DHRSX: variants seen among roughly 807,000 people sequenced by gnomAD.
DHRSX encodes polyprenol dehydrogenase.
In DHRSX, 31 loss-of-function variants were observed where a neutral mutation model predicts 34.0. The ratio of observed to expected loss-of-function variants is 0.91; its 90% CI spans 0.69 to 1.23. The LOEUF (loss-of-function observed/expected upper bound fraction) is 1.23. Among genes scored for constraint, DHRSX ranks in the 50% most tolerant of loss-of-function variants. The pLI, the probability that DHRSX is intolerant of heterozygous loss-of-function variation, is 0.00. For missense variants in DHRSX, 414 were observed against 428.1 expected, an observed-to-expected ratio of 0.97 and a Z score of 0.29; for synonymous variants, 201 against 183.8, an observed-to-expected ratio of 1.09 and a Z score of -0.76.
At chrX:2,465,384 A>T (rs2044477066) in intron 1 of DHRSX, among the ~76,000 whole-genome samples, 1 of 152,152 alleles carries the variant, frequency 6.6e-6, no homozygotes, top group Non-Finnish European at 1.5e-5. Flanking sequence ...AAGTCTCCCC[A>T]TCCCTCCTCA....
chrX:2,401,803 T>G (rs2043489135), intron 3 of DHRSX, among the ~76,000 whole-genome samples: 1 of 152,182 alleles, frequency 6.6e-6, no homozygotes, highest in South Asian at 2.1e-4. Context: ...CACAAAGGTG[T>G]GGGCACAATG....
At chrX:2,273,846 G>A (rs1292763886) in intron 4 of DHRSX, among the ~76,000 whole-genome samples, 1 of 152,192 alleles carries the variant, frequency 6.6e-6, no homozygotes, top group African/African-American at 2.4e-5. Context: ...AGAGGGGACA[G>A]TGCTTCTGTG....
chrX:2,297,947 G>A (rs1342387198), intron 3 of DHRSX, among the ~76,000 whole-genome samples: 5 of 151,994 alleles, frequency 3.3e-5, no homozygotes, highest in Non-Finnish European at 1.5e-5. Context: ...GTAAAGATGG[G>A]GTTTCACCAT....
At chrX:2,282,897 A>G (rs1280987629) in intron 4 of DHRSX, among the ~76,000 whole-genome samples, 3 of 146,514 alleles carry the variant, frequency 2.0e-5, no homozygotes, top group Admixed American at 6.8e-5. Context: ...GAGGAGGGAG[A>G]AGGGAGGTCG....
intron 1 of DHRSX, among the ~76,000 whole-genome samples, chrX:2,428,728 C>A (rs1569500208): frequency 6.6e-6 from 1 of 152,082 alleles, no homozygotes; most frequent in Non-Finnish European, 1.5e-5. Flanking sequence ...ATGTAACAAA[C>A]CTGCACGTTC....
At chrX:2,314,233 GGGAGGGAAGGAAGGGAGGGAA>G (rs2042201207) in intron 3 of DHRSX, among the ~76,000 whole-genome samples, 1 of 17,752 alleles carries the variant, frequency 5.6e-5, no homozygotes, top group African/African-American at 2.9e-4. Context: ...AAGGAAGGGA[GGGAGGGAAGGAAGGGAGGGAA>G]GGAGGGAATG....
At chrX:2,399,738 AAAAAC>A (rs1327575254) in intron 3 of DHRSX, among the ~76,000 whole-genome samples, 18 of 144,646 alleles carry the variant, frequency 1.2e-4, no homozygotes, top group Middle Eastern at 3.5e-3. Context: ...AAAAAAAAAA[AAAAAC>A]AAAAAAACAC....
intron 3 of DHRSX, among the ~76,000 whole-genome samples, chrX:2,352,049 G>A (rs2042795178): frequency 1.3e-5 from 2 of 152,010 alleles, no homozygotes; most frequent in Non-Finnish European, 1.5e-5. Flanking sequence ...ATAAACAGCT[G>A]TGCATTTTTG....
intron 2 of DHRSX, among the ~76,000 whole-genome samples, chrX:2,415,632 T>C (rs1569498710): frequency 2.0e-5 from 3 of 151,710 alleles, no homozygotes; most frequent in South Asian, 4.2e-4. Flanking sequence ...CTAACCCAAC[T>C]AGACCTCATC....
chrX:2,265,680 T>C (rs750081647), intron 5 of DHRSX, among the ~76,000 whole-genome samples: 1 of 81,634 alleles, frequency 1.2e-5, no homozygotes. Context: ...GCACCAGTGC[T>C]CGGCAGACGC....
chrX:2,343,638 C>CTCTG (rs1249369998), intron 3 of DHRSX, among the ~76,000 whole-genome samples: 2 of 152,218 alleles, frequency 1.3e-5, no homozygotes, highest in African/African-American at 4.8e-5. Context: ...CCGCAAAAGG[C>CTCTG]TCTGCCCCAC....
intron 1 of DHRSX, among the ~76,000 whole-genome samples, chrX:2,464,290 G>A (rs183894343): frequency 6.6e-6 from 1 of 151,646 alleles, no homozygotes; most frequent in African/African-American, 2.4e-5. Context: ...CCTAAGCTTG[G>A]GTTAAGGGAC....
At chrX:2,461,084 C>A (rs2044396320) in intron 1 of DHRSX, among the ~76,000 whole-genome samples, 1 of 152,106 alleles carries the variant, frequency 6.6e-6, no homozygotes, top group Non-Finnish European at 1.5e-5. Flanking sequence ...AGAATTTAGA[C>A]ATGTAAGAAG....
chrX:2,248,135 T>C (rs1243521817), intron 5 of DHRSX, among the ~76,000 whole-genome samples: 2 of 151,820 alleles, frequency 1.3e-5, no homozygotes, highest in African/African-American at 4.8e-5. Flanking sequence ...TCACCTCTAC[T>C]GAAAATACAA....
At chrX:2,374,483 A>C (rs111966259) in intron 3 of DHRSX, among the ~76,000 whole-genome samples, 26,873 of 135,498 alleles carry the variant, frequency 0.2, 4,220 homozygotes, top group Non-Finnish European at 0.31. Context: ...TCACGCCTGT[A>C]ATCCCAGCAC....
At chrX:2,325,348 C>T (rs1345911174) in intron 3 of DHRSX, among the ~76,000 whole-genome samples, 1 of 152,032 alleles carries the variant, frequency 6.6e-6, no homozygotes, top group African/African-American at 2.4e-5. Flanking sequence ...GAACTAGGGA[C>T]TAGACACGTT....
intron 3 of DHRSX, among the ~76,000 whole-genome samples, chrX:2,324,793 G>T (rs1160356422): frequency 1.4e-5 from 2 of 146,028 alleles, no homozygotes; most frequent in Non-Finnish European, 3.0e-5. Flanking sequence ...TTTTGAGATG[G>T]AGTCCCGCTC....
rs772302655 is a variant in DHRSX at position 2,490,015 on chromosome X, G to A, written c.109+10802C>T. Reference sequence around the variant, plus strand: ...CCGTGTTCTCTTCGGGCACCTCGAAGGTCTTCAGGCAGCGGGAGCCCATGG... The same window carrying A: ...CCGTGTTCTCTTCGGGCACCTCGAAAGTCTTCAGGCAGCGGGAGCCCATGG... On this transcript the variant is annotated intron_variant, in intron 1 of 6. Coordinates refer to ENST00000334651, the MANE Select transcript of DHRSX (RefSeq NM_145177.3). 3 of 1,613,880 alleles carry A rather than the reference G, an allele frequency of 1.9e-6. No individual in the cohort carries two copies. The African/African-American group carries it at 4.0e-5, about 21-fold the overall frequency.
chrX:2,301,311 G>T (rs1291667253), intron 3 of DHRSX, among the ~76,000 whole-genome samples: 1 of 152,178 alleles, frequency 6.6e-6, no homozygotes, highest in Non-Finnish European at 1.5e-5. Flanking sequence ...CTACTTGGGA[G>T]ACTGAGGCAG....
Sources: allele counts gnomAD v4.1 joint callset (sites outside exome capture counted in the v4.1 genomes callset), GRCh38; gene constraint gnomAD v4.1.1; transcripts MANE v1.5; gene names NCBI Gene and HGNC (gene_info 2026-07-23, HGNC 2026-07-21).